Variants in EEIG1 observed in about 807,000 individuals in gnomAD.
EEIG1 encodes the protein early estrogen-induced gene 1 protein.
At chr9:127,953,740 G>A in the EEIG1 span, 8 of 1,612,564 alleles carry the variant, frequency 5.0e-6, no homozygotes, top group African/African-American at 2.7e-5. Flanking sequence ...AGCTGGGGGT[G>A]CGGACTCATG....
the EEIG1 span, among the ~76,000 whole-genome samples, chr9:127,946,219 C>T: frequency 2.0e-5 from 3 of 152,314 alleles, no homozygotes; most frequent in Middle Eastern, 3.4e-3. Flanking sequence ...GCAGAGGCCC[C>T]GAGGCTGGAA....
At chr9:127,954,047 CTG>C in the EEIG1 span, 4 of 1,164,050 alleles carry the variant, frequency 3.4e-6, no homozygotes, top group South Asian at 1.4e-5. Context: ...CACTTTCACT[CTG>C]TGTCACAAAA....
chr9:127,945,753 C>G, the EEIG1 span: 6 of 1,559,972 alleles, frequency 3.8e-6, no homozygotes, highest in Non-Finnish European at 5.2e-6. This position sits in a 1 kb window ranked among gnomAD's most constrained non-coding sequence, Gnocchi z 6.5. Flanking sequence ...CTCTGGCAGC[C>G]CTGGAAGGCA....
At chr9:127,946,165 G>A in the EEIG1 span, among the ~76,000 whole-genome samples, 1 of 152,242 alleles carries the variant, frequency 6.6e-6, no homozygotes, top group African/African-American at 2.4e-5. Context: ...GCCAGCTAAG[G>A]CCTCAAGAGG....
the EEIG1 span, among the ~76,000 whole-genome samples, chr9:127,959,309 T>C: frequency 5.3e-5 from 8 of 152,340 alleles, no homozygotes; most frequent in South Asian, 1.7e-3. Context: ...TGGTGTATCA[T>C]TCAGCAATAA....
At chr9:127,966,237 C>T in the EEIG1 span, among the ~76,000 whole-genome samples, 1 of 152,138 alleles carries the variant, frequency 6.6e-6, no homozygotes, top group Non-Finnish European at 1.5e-5. Flanking sequence ...GTGAAAGGAT[C>T]CCAGAGTCAG....
At chr9:127,944,937 G>A in the EEIG1 span, 2 of 1,596,678 alleles carry the variant, frequency 1.3e-6, no homozygotes, top group Non-Finnish European at 1.7e-6. Context: ...CAACGGTCAG[G>A]GCAGTAACAG....
chr9:127,953,034 G>C, the EEIG1 span, among the ~76,000 whole-genome samples: 1 of 152,130 alleles, frequency 6.6e-6, no homozygotes, highest in Non-Finnish European at 1.5e-5. Context: ...GGAGGCTGAG[G>C]GAGGAGAATT....
At chr9:127,954,700 G>A in the EEIG1 span, among the ~76,000 whole-genome samples, 1 of 152,142 alleles carries the variant, frequency 6.6e-6, no homozygotes, top group Non-Finnish European at 1.5e-5. Flanking sequence ...CTCACCTGAG[G>A]CCCACCACAG....
chr9:127,972,806 C>A, the EEIG1 span, among the ~76,000 whole-genome samples: 3 of 152,278 alleles, frequency 2.0e-5, no homozygotes, highest in South Asian at 6.2e-4. The surrounding 1 kb of genome is among the most constrained non-coding windows in gnomAD (Gnocchi z 4.3). Context: ...CTCTTCCAAG[C>A]CCTGGGTGCC....
the EEIG1 span, among the ~76,000 whole-genome samples, chr9:127,970,920 T>C: frequency 2.6e-5 from 4 of 152,158 alleles, no homozygotes; most frequent in African/African-American, 9.6e-5. Flanking sequence ...CTGATTGGAT[T>C]TGCGCACCTC....
chr9:127,974,227 T>C, the EEIG1 span, among the ~76,000 whole-genome samples: 1 of 152,102 alleles, frequency 6.6e-6, no homozygotes, highest in South Asian at 2.1e-4. Context: ...GCCAGCCAAC[T>C]CCCATTGTCC....
chr9:127,980,182 G>C, the EEIG1 span: 66 of 1,585,418 alleles, frequency 4.2e-5, no homozygotes, highest in African/African-American at 7.4e-4. Context: ...AAAAAAGGTG[G>C]AGAGGGACGG....
the EEIG1 span, among the ~76,000 whole-genome samples, chr9:127,964,957 A>C: frequency 6.6e-6 from 1 of 151,928 alleles, no homozygotes; most frequent in Non-Finnish European, 1.5e-5. Flanking sequence ...AAAAATACAA[A>C]AATTAGCCAG....
chr9:127,951,121 G>A, the EEIG1 span, among the ~76,000 whole-genome samples: 1 of 152,186 alleles, frequency 6.6e-6, no homozygotes, highest in Non-Finnish European at 1.5e-5. Flanking sequence ...GGAAGTGGGA[G>A]TAAGTGCGAA....
chr9:127,976,026 G>C, the EEIG1 span, among the ~76,000 whole-genome samples: 1 of 152,234 alleles, frequency 6.6e-6, no homozygotes, highest in Admixed American at 6.5e-5. This position sits in a 1 kb window ranked among gnomAD's most constrained non-coding sequence, Gnocchi z 4.1. Context: ...CCCCCTGAAA[G>C]GTCCTGGGGA....
At chr9:127,947,636 C>T in the EEIG1 span, among the ~76,000 whole-genome samples, 1 of 152,304 alleles carries the variant, frequency 6.6e-6, no homozygotes, top group African/African-American at 2.4e-5. Flanking sequence ...GAGCTCCCAG[C>T]ACGTCCCTCT....
At chr9:127,964,022 C>T in the EEIG1 span, among the ~76,000 whole-genome samples, 1,967 of 152,198 alleles carry the variant, frequency 0.013, 59 homozygotes, top group East Asian at 0.08. Flanking sequence ...GGAAGGAGGT[C>T]CCAGGCAGTG....
the EEIG1 span, among the ~76,000 whole-genome samples, chr9:127,976,603 G>T: frequency 5.3e-5 from 8 of 152,236 alleles, no homozygotes; most frequent in African/African-American, 1.9e-4. The surrounding 1 kb of genome is among the most constrained non-coding windows in gnomAD (Gnocchi z 4.1). Context: ...GCACAGCAGC[G>T]TGAGGATCGC....
Sources: allele counts gnomAD v4.1 joint callset (sites outside exome capture counted in the v4.1 genomes callset), GRCh38; gene constraint gnomAD v4.1.1; non-coding constraint Gnocchi (gnomAD v3.1); transcripts MANE v1.5; gene names NCBI Gene and HGNC (gene_info 2026-07-23, HGNC 2026-07-21).